The following PSIP1 variants were observed in gnomAD, a reference collection of about 807,000 sequenced individuals.
PSIP1 encodes PC4 and SRSF1 interacting protein 1, also known as PC4 and SFRS1-interacting protein.
In PSIP1, 19 loss-of-function variants were observed where a neutral mutation model predicts 74.7. The ratio of observed to expected loss-of-function variants is 0.25; its 90% CI spans 0.18 to 0.37. PSIP1 has a LOEUF of 0.37. Among genes scored for constraint, PSIP1 ranks in the 10% least tolerant of loss-of-function variants. The pLI is 1.00. For missense variants in PSIP1, 601 were observed against 614.3 expected, an observed-to-expected ratio of 0.98 and a Z score of 0.23; for synonymous variants, 222 against 195.3, an observed-to-expected ratio of 1.14 and a Z score of -1.14.
intron 1 of PSIP1, 150 bp from the exon 2 acceptor site, chr9:15,510,479 G>A (rs769472509): frequency 1.0e-5 from 4 of 386,386 alleles, no homozygotes; most frequent in Non-Finnish European, 1.4e-5. Flanking sequence ...CTCCGCGCTG[G>A]AGCAGGTCCT....
intron 6 of PSIP1, among the ~76,000 whole-genome samples, chr9:15,480,709 G>GT (rs2036299194): frequency 6.6e-6 from 1 of 152,188 alleles, no homozygotes; most frequent in Non-Finnish European, 1.5e-5. Flanking sequence ...ATCACTTGAG[G>GT]TTAGAAGTTC....
rs530950416 is a variant in PSIP1, at chr9:15,502,082, T to C, written c.149+4479A>G. Among the ~76,000 whole-genome samples, 161 of 152,164 alleles carry C rather than the reference T, an allele frequency of 1.1e-3. 2 individuals carry two copies. The highest frequency in any genetic ancestry group is 3.5e-3 in the African/African-American group (146 of 41,492). ...GCACATGCAAGGGATCTAGTCTGAGTGCTCCTTATAAGAATCTAAGTAATG... is the reference window on the plus strand; with the variant it reads ...GCACATGCAAGGGATCTAGTCTGAGCGCTCCTTATAAGAATCTAAGTAATG... On this transcript the variant is annotated intron_variant, in intron 3 of 15. Coordinates refer to ENST00000380733, the MANE Select transcript of PSIP1 (RefSeq NM_033222.5).
chr9:15,471,350 A>G, intron 10 of PSIP1: 1 of 1,563,904 alleles, frequency 6.4e-7, no homozygotes, highest in Non-Finnish European at 8.8e-7. Context: ...AGGAGAAGGA[A>G]AGAAAACACA....
In PSIP1 at chr9:15,469,839, A is replaced by G. The variant is rs1044501633; in HGVS notation, c.1033+99T>C. The G allele has an allele frequency of 5.3e-6, 5 of 944,290 alleles. No homozygotes were observed. The Admixed American group carries it at 1.1e-4, about 21-fold the overall frequency. 58.5% of individuals were successfully genotyped at this position (944,290 alleles called of 1,614,324 possible). On this transcript the variant is annotated intron_variant, in intron 11 of 15. Transcript: ENST00000380733. ...TGAAAAATTCTATTTGTAGGATATG[A>G]GTATAAAATTATTCCAAAACCAATA...
At chr9:15,504,945 T>C (rs1224378382) in intron 3 of PSIP1, 1 of 149,132 alleles carries the variant, frequency 6.7e-6, no homozygotes, top group Non-Finnish European at 1.5e-5. Context: ...AGGTCTAGAA[T>C]AAGGCCTAAG....
Position 15,466,771 on chromosome 9 carries a change from G to T in PSIP1, c.1509C>A (p.Asn503Lys), listed in dbSNP as rs751310051. ...ACTTTTTCTTCGTGCTGGCTTCATG[G>T]TTGTCTTTGCTGTCTTCATTGCTCT... ...NGESNEDSKD[N>K]HEASTKKKPS... Residue 503 changes from asparagine (N) to lysine (K), a missense_variant, in exon 15 of 16, where the codon AAC becomes AAA. Physicochemically the swap from Asn to Lys is moderately conservative, Grantham distance 94. Transcript: ENST00000380733. 2 of 1,611,696 alleles carry T rather than the reference G, an allele frequency of 1.2e-6. No individual in the cohort carries two copies. The highest frequency in any genetic ancestry group is 1.7e-6 in the Non-Finnish European group (2 of 1,179,362).
chr9:15,475,324 T>C lies in PSIP1; in HGVS notation c.630-1087A>G, dbSNP rs138597696. Among the ~76,000 whole-genome samples, 6 of 152,310 alleles carry C rather than the reference T, an allele frequency of 3.9e-5. No individual in the cohort carries two copies. In the East Asian group the frequency reaches 1.2e-3, roughly 29 times the overall value. The stretch of plus-strand genomic sequence containing the variant: ...GTGAAACTATTTGCTTTCTTCAGGA[T>C]TTCCACTGATGTAAATATTTTGATA... On this transcript the variant is annotated intron_variant, in intron 8 of 15. Transcript: ENST00000380733.
At position 15,464,208 on chromosome 9, in the gene PSIP1, TCCTAGTTCCATTATAAGA is replaced by T. The variant is rs1434274769; in HGVS notation, c.*1294_*1311del. 1.0e-5 allele frequency: 2 copies of T among 190,662 alleles called. No individual in the cohort carries two copies. Among genetic ancestry groups the T allele is most frequent in the Admixed American group, 1.2e-4 (2 of 16,218 alleles). 11.8% of individuals were successfully genotyped at this position (190,662 alleles called of 1,614,324 possible). ...ATGCAGGTTCTCTCAAAACGGTGAT[TCCTAGTTCCATTATAAGA>T]CCTCTTTAAAAGCAAAAATGCAATT... On this transcript the variant is annotated 3_prime_UTR_variant, in exon 16 of 16. Transcript: ENST00000380733.
chr9:15,500,400 C>G lies in PSIP1; in HGVS notation c.149+6161G>C, dbSNP rs567480881. Among the ~76,000 whole-genome samples, 3 of 152,146 alleles carry G rather than the reference C, an allele frequency of 2.0e-5. No homozygotes were observed. In the South Asian group the frequency reaches 6.2e-4, roughly 32 times the overall value. On this transcript the variant is annotated intron_variant, in intron 3 of 15. Coordinates refer to ENST00000380733, the MANE Select transcript of PSIP1 (RefSeq NM_033222.5). ...GAATGACATGAACCCAGGAGGCAGA[C>G]CTTGCTTTGAGCGGAGATTGCGCCA...
At chr9:15,505,105 AT>A (rs1345533682) in intron 3 of PSIP1, 1 of 151,918 alleles carries the variant, frequency 6.6e-6, no homozygotes, top group African/African-American at 2.4e-5. Flanking sequence ...CAAACGGCTA[AT>A]TTTTGTATTT....
chr9:15,468,924 T>C (rs768430809), intron 13 of PSIP1, 33 bp downstream of exon 13: 1 of 1,606,868 alleles, frequency 6.2e-7, no homozygotes, highest in East Asian at 2.2e-5. Flanking sequence ...AATGACAAAA[T>C]TCAAAGAATC....
intron 3 of PSIP1, among the ~76,000 whole-genome samples, chr9:15,496,547 C>T (rs797022248): frequency 7.5e-4 from 114 of 152,284 alleles, no homozygotes; most frequent in African/African-American, 2.5e-3. Context: ...CCTCATTTTA[C>T]GTGTACCTTT....
intron 3 of PSIP1, among the ~76,000 whole-genome samples, chr9:15,500,421 C>A (rs979298425): frequency 1.3e-5 from 2 of 151,822 alleles, no homozygotes; most frequent in Non-Finnish European, 1.5e-5. Context: ...GCGGAGATTG[C>A]GCCACTGCCA....
rs113641978 is a variant in PSIP1, at chr9:15,481,802, A to G, written c.457-2115T>C. Among the ~76,000 whole-genome samples, 11 of 152,344 alleles carry G rather than the reference A, an allele frequency of 7.2e-5. 2 individuals carry two copies. The highest frequency in any genetic ancestry group is 2.6e-4 in the African/African-American group (11 of 41,582). ...ACACTAATACTAAGAGATCAGCCCT[A>G]CCATGCACGTGTGTTCATGACTATT... On this transcript the variant is annotated intron_variant, in intron 6 of 15. Transcript: ENST00000380733.
intron 14 of PSIP1, 109 bp downstream of exon 14, chr9:15,468,519 CTT>C (rs1324441396): frequency 8.1e-7 from 1 of 1,236,686 alleles, no homozygotes; most frequent in African/African-American, 1.5e-5. Flanking sequence ...CCTTTGTATA[CTT>C]TTTCTGTGGC....
At chr9:15,488,605 A>T (rs941418717) in intron 4 of PSIP1, among the ~76,000 whole-genome samples, 18 of 152,046 alleles carry the variant, frequency 1.2e-4, no homozygotes, top group Non-Finnish European at 2.1e-4. Flanking sequence ...TGCAATCGAC[A>T]ATATAAAAAA....
At chr9:15,474,542 G>A (rs1469534502) in intron 8 of PSIP1, among the ~76,000 whole-genome samples, 4 of 152,282 alleles carry the variant, frequency 2.6e-5, no homozygotes, top group Admixed American at 6.5e-5. Context: ...AAATACGGTC[G>A]TTTTAGAACT....
Position 15,466,801 on chromosome 9 carries a change from G to T in PSIP1, c.1479C>A (p.Asn493Lys). 2 of 1,613,266 alleles carry T rather than the reference G, an allele frequency of 1.2e-6. No individual in the cohort carries two copies. Among genetic ancestry groups the T allele is most frequent in the Non-Finnish European group, 1.7e-6 (2 of 1,179,724 alleles). Residue 493 changes from asparagine to lysine, a missense_variant, in exon 15 of 16, where the codon AAC becomes AAA. Asn to Lys is a moderately conservative substitution (Grantham distance 94). This residue lies in a region of PSIP1 where 538 missense variants were observed against 507.6 expected (regional missense o/e 1.06). Coordinates refer to ENST00000380733, the MANE Select transcript of PSIP1 (RefSeq NM_033222.5). ...DAQDGNQPQH[N>K]GESNEDSKDN... ...CTTTGCTGTCTTCATTGCTCTCCCC[G>T]TTATGTTGTGGCTGATTACCATCTT...
Position 15,479,151 on chromosome 9 carries a change from A to C in PSIP1, c.553+440T>G, listed in dbSNP as rs1358017296. Among the ~76,000 whole-genome samples, 10 of 152,286 alleles carry C rather than the reference A, an allele frequency of 6.6e-5. No individual in the cohort carries two copies. The East Asian group carries it at 1.9e-3, about 29-fold the overall frequency. Reference sequence around the variant, plus strand: ...ATTTCCAATTTGCCAAATTAAGAAAATACTTTTAAATAGGCAATGCTGAAG... The same window carrying C: ...ATTTCCAATTTGCCAAATTAAGAAACTACTTTTAAATAGGCAATGCTGAAG... On this transcript the variant is annotated intron_variant, in intron 7 of 15. Coordinates refer to ENST00000380733, the MANE Select transcript of PSIP1 (RefSeq NM_033222.5).
Sources: allele counts gnomAD v4.1 joint callset (sites outside exome capture counted in the v4.1 genomes callset), GRCh38; gene constraint gnomAD v4.1.1; regional missense constraint gnomAD v4.1.1; transcripts MANE v1.5; gene names NCBI Gene and HGNC (gene_info 2026-07-23, HGNC 2026-07-21).